The following ATP13A4 variants were observed in gnomAD, a reference collection of about 807,000 sequenced individuals.
The protein encoded by ATP13A4 is probable cation-transporting ATPase 13A4.
ATP13A4 carries 114 observed loss-of-function variants against 142.5 expected under a neutral mutation model. That is an observed-to-expected ratio of 0.80 (90% CI 0.69 to 0.93). ATP13A4 has a LOEUF of 0.93. Among genes scored for constraint, ATP13A4 ranks in the 40% least tolerant of loss-of-function variants. The pLI is 0.00. For missense variants in ATP13A4, 1,392 were observed against 1,454.0 expected (o/e 0.96, Z 0.69); for synonymous variants, 488 against 514.8 (o/e 0.95, Z 0.70).
At chr3:193,500,380 C>T (rs1053703605) in intron 3 of ATP13A4, among the ~76,000 whole-genome samples, 3 of 152,100 alleles carry the variant, frequency 2.0e-5, no homozygotes, top group East Asian at 3.9e-4. Context: ...TGTTTCCAAA[C>T]CTGACATAGT....
At chr3:193,522,888 C>T (rs1221430038) in intron 1 of ATP13A4, among the ~76,000 whole-genome samples, 1 of 152,116 alleles carries the variant, frequency 6.6e-6, no homozygotes. Flanking sequence ...ACTTCTCTTT[C>T]TGATGATGTC....
intron 8 of ATP13A4, among the ~76,000 whole-genome samples, chr3:193,472,244 A>G (rs191502321): frequency 6.6e-6 from 1 of 152,344 alleles, no homozygotes; most frequent in East Asian, 1.9e-4. Flanking sequence ...AAGTTTTCCA[A>G]CTGTGCACCA....
At chr3:193,561,321 G>C (rs975558683) in intron 2 of ATP13A4, among the ~76,000 whole-genome samples, 2 of 152,204 alleles carry the variant, frequency 1.3e-5, no homozygotes, top group African/African-American at 4.8e-5. Flanking sequence ...TCAAGAACAG[G>C]TTCCTGGTGC....
In ATP13A4 at chr3:193,466,176, T is replaced by C. The variant is rs773963750; in HGVS notation, c.1121A>G (p.Asn374Ser). ...VRAVVLQTGF[N>S]TAKGDLVRSI... Reference sequence around the variant, plus strand: ...TCTCACAAGGTCTCCCTTTGCAGTGTTGAATCCTGGAACAACAAACACACA... The same window carrying C: ...TCTCACAAGGTCTCCCTTTGCAGTGCTGAATCCTGGAACAACAAACACACA... The change falls in exon 11 of 30, where the codon AAC becomes AGC. Residue 374 changes from asparagine (N) to serine (S), a missense_variant. Coordinates refer to ENST00000342695, the MANE Select transcript of ATP13A4 (RefSeq NM_032279.4). 1.2e-6 allele frequency: 2 copies of C among 1,613,886 alleles called. No homozygotes were observed. The highest frequency in any genetic ancestry group is 1.7e-5 in the Admixed American group (1 of 60,000).
chr3:193,575,417 A>C (rs1724370703), intron 2 of ATP13A4, among the ~76,000 whole-genome samples: 1 of 152,212 alleles, frequency 6.6e-6, no homozygotes, highest in South Asian at 2.1e-4. Flanking sequence ...AAGAGAAATA[A>C]AAGATATAAT....
In ATP13A4 at chr3:193,470,843, G is replaced by A; in HGVS notation, c.943+16C>T. The A allele has an allele frequency of 6.2e-7, 1 of 1,613,856 alleles. No individual in the cohort carries two copies. On this transcript the variant is annotated intron_variant, in intron 9 of 29. Coordinates refer to ENST00000342695, the MANE Select transcript of ATP13A4 (RefSeq NM_032279.4). Reference sequence around the variant, plus strand: ...CCAGCCCACAGAGGTTGTCAGCTGTGGAGATGGAACTGTACCTGTCAGCAT... The same window carrying A: ...CCAGCCCACAGAGGTTGTCAGCTGTAGAGATGGAACTGTACCTGTCAGCAT...
intron 1 of ATP13A4, among the ~76,000 whole-genome samples, chr3:193,540,350 A>G (rs529121537): frequency 6.6e-6 from 1 of 152,110 alleles, no homozygotes; most frequent in South Asian, 2.1e-4. Context: ...GATGGTGAAT[A>G]GCAAATGTGG....
chr3:193,475,876 T>C (rs1356797350), intron 8 of ATP13A4, among the ~76,000 whole-genome samples: 1 of 152,050 alleles, frequency 6.6e-6, no homozygotes, highest in Non-Finnish European at 1.5e-5. Context: ...TTTTTAGGAA[T>C]TACATTAATG....
At chr3:193,545,168 A>C (rs1205700731) in intron 1 of ATP13A4, among the ~76,000 whole-genome samples, 1 of 152,240 alleles carries the variant, frequency 6.6e-6, no homozygotes, top group Non-Finnish European at 1.5e-5. Context: ...GCCTCAAAAC[A>C]TGAAGCATTT....
rs537651060 is a variant in ATP13A4, at chr3:193,547,175, G to C, written c.60+7565C>G. Among the ~76,000 whole-genome samples, 18 of 152,140 alleles carry C rather than the reference G, an allele frequency of 1.2e-4. No homozygotes were observed. The South Asian group carries it at 3.5e-3, about 30-fold the overall frequency. ...CTATTAAATCCATTTTTTACTCAGC[G>C]TCCTGTCTGACAAGACTATATAGTT... On this transcript the variant is annotated intron_variant, in intron 1 of 29. Coordinates refer to ENST00000342695, the MANE Select transcript of ATP13A4 (RefSeq NM_032279.4).
intron 28 of ATP13A4, among the ~76,000 whole-genome samples, chr3:193,410,295 A>C (rs1417007362): frequency 2.3e-5 from 1 of 43,544 alleles, no homozygotes; most frequent in East Asian, 8.8e-4. Context: ...TATGATAACC[A>C]AAAAAAAAGC....
chr3:193,422,444 TG>T (rs34837289), intron 25 of ATP13A4, among the ~76,000 whole-genome samples: 80,316 of 148,884 alleles, frequency 0.54, 23,556 homozygotes, highest in Non-Finnish European at 0.59. Flanking sequence ...CTAATGCGCA[TG>T]GAACATTCTC....
rs1379038858 is a variant in ATP13A4 at position 193,573,279 on chromosome 3, A to ATATATATG, written n.291+8427_291+8428insCATATATA. Among the ~76,000 whole-genome samples the ATATATATG allele has an allele frequency of 1.1e-3, 109 of 99,756 alleles. 2 individuals carry two copies. Among genetic ancestry groups the ATATATATG allele is most frequent in the African/African-American group, 4.5e-3 (93 of 20,660 alleles). 65.4% of individuals were successfully genotyped at this position (99,756 alleles called of 152,430 possible). ...CACAGCCATATATATATATATACAT[A>ATATATATG]TATATATATACACATATATATATAT... On this transcript the variant is annotated intron_variant and non_coding_transcript_variant, in intron 2 of 3. Transcript: ENST00000489140.
chr3:193,520,382 G>A (rs985226203), intron 1 of ATP13A4, among the ~76,000 whole-genome samples: 1 of 152,246 alleles, frequency 6.6e-6, no homozygotes, highest in Non-Finnish European at 1.5e-5. Flanking sequence ...ATTAGGAAAT[G>A]TTAAACTAGT....
Position 193,407,177 on chromosome 3 carries a change from T to C in ATP13A4, c.3378+136A>G, listed in dbSNP as rs181935744. 33 of 731,122 alleles carry C rather than the reference T, an allele frequency of 4.5e-5. No homozygotes were observed. In the African/African-American group the frequency reaches 5.1e-4, roughly 11 times the overall value. The allele number at this position is 731,122 out of a possible 1,614,324, so 45.3% of individuals were successfully genotyped here. On this transcript the variant is annotated intron_variant, in intron 29 of 29. Coordinates refer to ENST00000342695, the MANE Select transcript of ATP13A4 (RefSeq NM_032279.4). ...CATCAGAGGAAGGCACCATTGCTTA[T>C]ACTGTGAAGGAAGGGAGCCCCTGCA...
Position 193,400,022 on chromosome 3 carries a change from C to G in ATP13A4, c.*2630G>C, listed in dbSNP as rs1170687177. ...CAATGTCCTAGAGTACATTCCACTGCTATCAGTGCTGGCTGTTAGGACAGT... is the reference window on the plus strand; with the variant it reads ...CAATGTCCTAGAGTACATTCCACTGGTATCAGTGCTGGCTGTTAGGACAGT... On this transcript the variant is annotated 3_prime_UTR_variant, in exon 30 of 30. Transcript: ENST00000342695. Among the ~76,000 whole-genome samples the G allele has an allele frequency of 6.6e-6, 1 of 152,158 alleles. No homozygotes were observed. Among genetic ancestry groups the G allele is most frequent in the African/African-American group, 2.4e-5 (1 of 41,434 alleles).
chr3:193,520,213 G>A (rs1721646754), intron 1 of ATP13A4, among the ~76,000 whole-genome samples: 1 of 152,148 alleles, frequency 6.6e-6, no homozygotes, highest in Admixed American at 6.5e-5. Context: ...GGGCAAGAGA[G>A]AAGGAGGGAA....
At chr3:193,504,107 A>T (rs1173528810) in intron 2 of ATP13A4, among the ~76,000 whole-genome samples, 2 of 152,046 alleles carry the variant, frequency 1.3e-5, no homozygotes, top group African/African-American at 4.8e-5. Context: ...AAATTGGAAT[A>T]TTAATTAATT....
chr3:193,401,624 C>G lies in ATP13A4; in HGVS notation c.*1028G>C, dbSNP rs1042059095. 6.6e-6 allele frequency among the ~76,000 whole-genome samples: 1 copy of G among 152,166 alleles called. No homozygotes were observed. The highest frequency in any genetic ancestry group is 1.5e-5 in the Non-Finnish European group (1 of 68,048). ...TGATCTGTTATTTTCCTCTCCTTCC[C>G]AGGACTACGTTCCAGACCAACTCTA... On this transcript the variant is annotated 3_prime_UTR_variant, in exon 30 of 30. Coordinates refer to ENST00000342695, the MANE Select transcript of ATP13A4 (RefSeq NM_032279.4).
Sources: gnomAD v4.1 joint callset for allele counts (sites outside exome capture counted in the v4.1 genomes callset) on GRCh38, gnomAD v4.1.1 for gene constraint, MANE v1.5 for transcripts, NCBI Gene and HGNC (gene_info 2026-07-23, HGNC 2026-07-21) for gene names.